YIPF4: variants seen among roughly 807,000 people sequenced by gnomAD.
The protein encoded by YIPF4 is protein YIPF4.
YIPF4 carries 18 observed loss-of-function variants against 29.4 expected under a neutral mutation model. The ratio of observed to expected loss-of-function variants is 0.61; its 90% confidence interval spans 0.42 to 0.91. The LOEUF (loss-of-function observed/expected upper bound fraction) is 0.91, where lower values mean the gene tolerates loss of function less well. YIPF4 is among the 40% of genes least tolerant of loss of function. The pLI is 0.00. For synonymous variants in YIPF4, 115 were observed against 104.7 expected, an observed-to-expected ratio of 1.10 and a Z score of -0.60; for missense variants, 279 against 282.7, an observed-to-expected ratio of 0.99 and a Z score of 0.09.
intron 1 of YIPF4, among the ~76,000 whole-genome samples, chr2:32,280,247 C>G (rs981175725): frequency 1.3e-5 from 2 of 151,684 alleles, no homozygotes. Context: ...CCTGCCTCAG[C>G]CTCCCGAGTA....
chr2:32,305,347 AT>A (rs2148968279), intron 5 of YIPF4, 141 bp from the exon 6 acceptor site: 1 of 983,320 alleles, frequency 1.0e-6, no homozygotes, highest in East Asian at 2.9e-5. Flanking sequence ...AGTTTTTAAC[AT>A]TTGTAACAAG....
In YIPF4 at chr2:32,292,707, CA is replaced by C. The variant is rs931908142; in HGVS notation, c.405+366del. The stretch of plus-strand genomic sequence containing the variant: ...GGAAGCCCTGTCTCTACTAAAACTA[CA>C]AAAAAAGTATCTGGGTGTGGTGGTG... On this transcript the variant is annotated intron_variant, in intron 3 of 5. Coordinates refer to ENST00000238831, the MANE Select transcript of YIPF4 (RefSeq NM_032312.4). Among the ~76,000 whole-genome samples the C allele has an allele frequency of 3.6e-4, 54 of 151,234 alleles. 1 individual carries two copies. Among genetic ancestry groups the C allele is most frequent in the African/African-American group, 1.3e-3 (52 of 41,142 alleles).
chr2:32,284,801 A>G (rs1368040980), intron 1 of YIPF4, among the ~76,000 whole-genome samples: 1 of 152,216 alleles, frequency 6.6e-6, no homozygotes, highest in African/African-American at 2.4e-5. Flanking sequence ...TGAGACAAAC[A>G]GAATCCAGGT....
At chr2:32,291,024 T>C (rs1308137387) in intron 2 of YIPF4, 1 of 152,504 alleles carries the variant, frequency 6.6e-6, no homozygotes, top group Admixed American at 6.5e-5. Flanking sequence ...ATAGAAATTC[T>C]AGAGCTGCCA....
chr2:32,290,629 C>G lies in YIPF4; in HGVS notation c.226C>G (p.Pro76Ala), dbSNP rs763912216. 5.3e-6 allele frequency: 8 copies of G among 1,518,766 alleles called. No homozygotes were observed. The highest frequency in any genetic ancestry group is 7.0e-6 in the Non-Finnish European group (8 of 1,135,442). The allele number at this position is 1,518,766 out of a possible 1,614,324, so 94.1% of individuals were successfully genotyped here. A position where few individuals can be genotyped will look rare whatever the true frequency, so the allele number is the denominator to read the frequency against. Residue 76 changes from proline to alanine, a missense_variant, in exon 2 of 6, where the codon CCA becomes GCA. Coordinates refer to ENST00000238831, the MANE Select transcript of YIPF4 (RefSeq NM_032312.4). ...AGATGATGATCCTGAAGATAACAAGCCACTCTTGTATGTAAAAATAATAAT... is the reference window on the plus strand; with the variant it reads ...AGATGATGATCCTGAAGATAACAAGGCACTCTTGTATGTAAAAATAATAAT... ...VEDDDPEDNK[P>A]LLEELDIDLK...
chr2:32,283,449 T>G (rs980523028), intron 1 of YIPF4, among the ~76,000 whole-genome samples: 32 of 152,184 alleles, frequency 2.1e-4, no homozygotes, highest in Admixed American at 8.5e-4. Flanking sequence ...CACATACCCT[T>G]TATTCTAAAA....
At chr2:32,291,461 T>TCGGG (rs2030911132) in intron 2 of YIPF4, among the ~76,000 whole-genome samples, 2 of 152,160 alleles carry the variant, frequency 1.3e-5, no homozygotes, top group Admixed American at 1.3e-4. Flanking sequence ...TGAGAATCGC[T>TCGGG]TGAACCCAGG....
Position 32,287,695 on chromosome 2 carries a change from T to C in YIPF4, c.80-2788T>C, listed in dbSNP as rs182687853. On this transcript the variant is annotated intron_variant, in intron 1 of 5. Transcript: ENST00000238831. The stretch of plus-strand genomic sequence containing the variant: ...TGAGTTGAAAGGGAAGAAAAATTCC[T>C]GTTAAATTTTGTTGTGTGGGTTTTC... Among the ~76,000 whole-genome samples the C allele has an allele frequency of 5.3e-4, 80 of 152,308 alleles. No individual in the cohort carries two copies. The East Asian group carries it at 0.011, about 21-fold the overall frequency.
chr2:32,299,875 C>G (rs6755587), intron 4 of YIPF4, among the ~76,000 whole-genome samples: 5,930 of 151,910 alleles, frequency 0.039, 250 homozygotes, highest in African/African-American at 0.11. Flanking sequence ...GTCCCAGCTA[C>G]TTGGGAGGCT....
chr2:32,279,344 C>T (rs967732879), intron 1 of YIPF4, among the ~76,000 whole-genome samples: 1 of 148,340 alleles, frequency 6.7e-6, no homozygotes, highest in African/African-American at 2.5e-5. Flanking sequence ...GCTATGAAAT[C>T]ATAAATTATG....
chr2:32,281,827 A>G (rs376742779), intron 1 of YIPF4, among the ~76,000 whole-genome samples: 3 of 149,510 alleles, frequency 2.0e-5, no homozygotes, highest in African/African-American at 7.3e-5. Context: ...CCCAGAAGGC[A>G]GAGGTTGCAG....
rs772186793 is a variant in YIPF4 at position 32,306,538 on chromosome 2, A to G, written c.*912A>G. The G allele has an allele frequency of 1.0e-6, 1 of 985,174 alleles. No individual in the cohort carries two copies. The highest frequency in any genetic ancestry group is 1.2e-6 in the Non-Finnish European group (1 of 829,686). 61.0% of individuals were successfully genotyped at this position (985,174 alleles called of 1,614,324 possible). On this transcript the variant is annotated 3_prime_UTR_variant, in exon 6 of 6. Coordinates refer to ENST00000238831, the MANE Select transcript of YIPF4 (RefSeq NM_032312.4). Reference sequence around the variant, plus strand: ...ATCTTGTGGTGTTGAACAATGTTATATGAAGTAGAAAAAATAAAATACTTC... The same window carrying G: ...ATCTTGTGGTGTTGAACAATGTTATGTGAAGTAGAAAAAATAAAATACTTC...
intron 1 of YIPF4, among the ~76,000 whole-genome samples, chr2:32,279,163 G>A (rs1303316986): frequency 1.3e-5 from 2 of 151,550 alleles, no homozygotes; most frequent in Non-Finnish European, 2.9e-5. Context: ...TAGAGATGAG[G>A]TTTCACCGTG....
intron 2 of YIPF4, chr2:32,290,890 C>T (rs558516663): frequency 5.3e-6 from 1 of 189,754 alleles, no homozygotes; most frequent in African/African-American, 2.3e-5. Context: ...TTACCTGGGT[C>T]TGTCAGCTAT....
At chr2:32,281,175 T>G (rs1042469521) in intron 1 of YIPF4, among the ~76,000 whole-genome samples, 2 of 152,102 alleles carry the variant, frequency 1.3e-5, no homozygotes, top group African/African-American at 4.8e-5. Context: ...CATAATATCC[T>G]CACACAATAT....
rs2031565414 is a variant in YIPF4, at chr2:32,305,880, G to A, written c.*254G>A. On this transcript the variant is annotated 3_prime_UTR_variant, in exon 6 of 6. Transcript: ENST00000238831. Reference sequence around the variant, plus strand: ...CCAGTGAATAAAATACAAAAGCATTGTGTTTTTAAGATTGTGTCGATATTC... The same window carrying A: ...CCAGTGAATAAAATACAAAAGCATTATGTTTTTAAGATTGTGTCGATATTC... 1 of 1,088,930 alleles carries A rather than the reference G, an allele frequency of 9.2e-7. No homozygotes were observed. Among genetic ancestry groups the A allele is most frequent in the Non-Finnish European group, 1.1e-6 (1 of 898,524 alleles). The allele number at this position is 1,088,930 out of a possible 1,614,324, so 67.5% of individuals were successfully genotyped here. A position where few individuals can be genotyped will look rare whatever the true frequency, so the allele number is the denominator to read the frequency against.
intron 1 of YIPF4, among the ~76,000 whole-genome samples, chr2:32,285,817 G>T (rs542220999): frequency 6.6e-6 from 1 of 151,796 alleles, no homozygotes; most frequent in Non-Finnish European, 1.5e-5. Flanking sequence ...CACCGCACCC[G>T]GCTAATTTTT....
At chr2:32,288,181 T>C (rs1410537441) in intron 1 of YIPF4, among the ~76,000 whole-genome samples, 1 of 152,204 alleles carries the variant, frequency 6.6e-6, no homozygotes, top group Non-Finnish European at 1.5e-5. Flanking sequence ...GGTGTCAAAC[T>C]GCTATTGTTG....
In YIPF4 at chr2:32,308,414, A is replaced by AT. The variant is rs1335534529; in HGVS notation, c.*2790dup. ...GTCAGCCACCGCACCAGGCCAGTTC[A>AT]TTAGAATTTTTAAAACAGGCTGGGC... On this transcript the variant is annotated 3_prime_UTR_variant, in exon 6 of 6. Coordinates refer to ENST00000238831, the MANE Select transcript of YIPF4 (RefSeq NM_032312.4). 6.6e-6 allele frequency: 1 copy of AT among 152,000 alleles called. No homozygotes were observed. The highest frequency in any genetic ancestry group is 1.5e-5 in the Non-Finnish European group (1 of 68,062). 9.4% of individuals were successfully genotyped at this position (152,000 alleles called of 1,614,324 possible). A position where few individuals can be genotyped will look rare whatever the true frequency, so the allele number is the denominator to read the frequency against.
Sources: gnomAD v4.1 joint callset for allele counts (sites outside exome capture counted in the v4.1 genomes callset) on GRCh38, gnomAD v4.1.1 for gene constraint, MANE v1.5 for transcripts, NCBI Gene and HGNC (gene_info 2026-07-23, HGNC 2026-07-21) for gene names.